Variants in DACH1 observed in about 807,000 individuals in gnomAD.
The protein encoded by DACH1 is dachshund family transcription factor 1, also known as dachshund homolog 1.
A neutral mutation model predicts 54.2 loss-of-function variants in DACH1; 12 were observed. The ratio of observed to expected loss-of-function variants is 0.22; its 90% CI spans 0.14 to 0.36. DACH1 has a LOEUF of 0.36. DACH1 is among the 10% of genes least tolerant of loss of function. The pLI is 1.00. For synonymous variants in DACH1, 386 were observed against 366.2 expected (o/e 1.05, Z -0.62); for missense variants, 805 against 929.8 (o/e 0.87, Z 1.75).
At chr13:71,485,863 G>A (rs1878459119) in intron 7 of DACH1, among the ~76,000 whole-genome samples, 1 of 151,830 alleles carries the variant, frequency 6.6e-6, no homozygotes, top group African/African-American at 2.4e-5. Context: ...TTACAGTCAT[G>A]AGCCACTGCA....
chr13:71,554,773 C>CTTT (rs2138369663), intron 6 of DACH1, among the ~76,000 whole-genome samples: 1 of 152,174 alleles, frequency 6.6e-6, no homozygotes, highest in East Asian at 1.9e-4. Context: ...AAAGCAAATA[C>CTTT]TTTAAAACAT....
rs1316625101 is a variant in DACH1, at chr13:71,464,143, T to C, written c.2083+10998A>G. Among the ~76,000 whole-genome samples, 3 of 150,632 alleles carry C rather than the reference T, an allele frequency of 2.0e-5. No individual in the cohort carries two copies. In the South Asian group the frequency reaches 6.2e-4, roughly 31 times the overall value. ...GAACCATTTCCCAAACAATTAAACA[T>C]TCTGATTTTTCTCATATGGATGAGA... is the stretch of plus-strand genomic sequence containing the variant. On this transcript the variant is annotated intron_variant, in intron 10 of 10. Transcript: ENST00000613252.
chr13:71,691,353 T>C (rs1485351642), intron 1 of DACH1, among the ~76,000 whole-genome samples: 1 of 152,252 alleles, frequency 6.6e-6, no homozygotes, highest in Non-Finnish European at 1.5e-5. Flanking sequence ...CTGCCAGGGA[T>C]TGTGCTAAAT....
intron 1 of DACH1, among the ~76,000 whole-genome samples, chr13:71,717,504 T>TCACACACACACACACA (rs3221998): frequency 2.3e-4 from 33 of 142,886 alleles, no homozygotes; most frequent in African/African-American, 8.1e-4. Context: ...GTGTGTGTAA[T>TCACACACACACACACA]CACACACACA....
chr13:71,591,674 A>G (rs1315741939), intron 3 of DACH1, among the ~76,000 whole-genome samples: 2 of 152,118 alleles, frequency 1.3e-5, no homozygotes, highest in Non-Finnish European at 2.9e-5. Context: ...TTATGAAATG[A>G]GATGTGACTT....
chr13:71,521,574 T>G (rs1178275365), intron 6 of DACH1, among the ~76,000 whole-genome samples: 11 of 152,034 alleles, frequency 7.2e-5, no homozygotes, highest in Non-Finnish European at 1.0e-4. Context: ...AAGGTAACTG[T>G]TATTCCTATA....
rs1593758987 is a variant in DACH1, at chr13:71,479,268, C to T, written c.1771G>A (p.Val591Ile). The change falls in exon 8 of 11, where the codon GTC (valine) becomes ATC (isoleucine). Residue 591 changes from valine (V) to isoleucine (I), a missense_variant. Coordinates refer to ENST00000613252, the MANE Select transcript of DACH1 (RefSeq NM_080759.6). ...TTCAGCTCAGTTTTTTCCAGTTGGA[C>T]CTGTTTCTCTTGAGCTCTGGCATTA... is the stretch of plus-strand genomic sequence containing the variant. Reference protein sequence around the residue: ...IDNARAQEKQVQLEKTELKMD... With the variant: ...IDNARAQEKQIQLEKTELKMD... 1 of 1,613,564 alleles carries T rather than the reference C, an allele frequency of 6.2e-7. No individual in the cohort carries two copies. The highest frequency in any genetic ancestry group is 8.5e-7 in the Non-Finnish European group (1 of 1,179,790).
In DACH1 at chr13:71,694,968, T is replaced by C. The variant is rs531900222; in HGVS notation, c.849-13058A>G. ...ATAAGTGTGGAAACTGAGGCAAAGA[T>C]ACATTGAAGCATAGAATTATGGAGA... is the stretch of plus-strand genomic sequence containing the variant. On this transcript the variant is annotated intron_variant, in intron 1 of 10. Transcript: ENST00000613252. 4.5e-4 allele frequency among the ~76,000 whole-genome samples: 68 copies of C among 152,262 alleles called. No individual in the cohort carries two copies. In the South Asian group the frequency reaches 0.014, roughly 31 times the overall value.
At chr13:71,778,103 T>A (rs547017180) in intron 1 of DACH1, among the ~76,000 whole-genome samples, 30 of 137,988 alleles carry the variant, frequency 2.2e-4, no homozygotes, top group Admixed American at 2.1e-3. Flanking sequence ...AATAAATAAA[T>A]AAATAAATAA....
chr13:71,697,792 A>G (rs552281458), intron 1 of DACH1, among the ~76,000 whole-genome samples: 121 of 152,326 alleles, frequency 7.9e-4, no homozygotes, highest in Non-Finnish European at 1.5e-3. Flanking sequence ...AAGTCCTAAA[A>G]TAATGCATTT....
chr13:71,748,915 T>TC (rs1884782463), intron 1 of DACH1, among the ~76,000 whole-genome samples: 1 of 37,478 alleles, frequency 2.7e-5, no homozygotes, highest in Non-Finnish European at 1.0e-4. Flanking sequence ...TTTCTTTCTT[T>TC]CTTTCTTTCT....
chr13:71,689,166 A>G (rs547309396), intron 1 of DACH1, among the ~76,000 whole-genome samples: 1 of 152,286 alleles, frequency 6.6e-6, no homozygotes, highest in Admixed American at 6.5e-5. Context: ...AACAGTACCA[A>G]ACCATGTTCT....
chr13:71,496,300 T>TAC (rs1879422762), intron 6 of DACH1, among the ~76,000 whole-genome samples: 1 of 114,504 alleles, frequency 8.7e-6, no homozygotes, highest in African/African-American at 3.2e-5. Flanking sequence ...TATATATATA[T>TAC]ATATATACAC....
intron 6 of DACH1, among the ~76,000 whole-genome samples, chr13:71,503,131 T>G (rs1385163085): frequency 1.3e-5 from 2 of 152,308 alleles, no homozygotes; most frequent in South Asian, 2.1e-4. Flanking sequence ...CACTTCATTT[T>G]TTCCTTCCCA....
intron 1 of DACH1, among the ~76,000 whole-genome samples, chr13:71,717,537 C>CACACACACAT (rs1420376596): frequency 5.9e-5 from 9 of 151,732 alleles, no homozygotes; most frequent in African/African-American, 2.2e-4. Flanking sequence ...CACACACACA[C>CACACACACAT]ACACACATTA....
chr13:71,817,374 C>G (rs1392676477), intron 1 of DACH1, among the ~76,000 whole-genome samples: 1 of 152,110 alleles, frequency 6.6e-6, no homozygotes, highest in Non-Finnish European at 1.5e-5. Context: ...CATTACAGCT[C>G]CACACACCAA....
intron 1 of DACH1, among the ~76,000 whole-genome samples, chr13:71,814,032 TCAAA>T (rs1281964073): frequency 2.6e-5 from 4 of 152,182 alleles, no homozygotes; most frequent in Non-Finnish European, 5.9e-5. Context: ...ATGTAAGTAA[TCAAA>T]CAAATTGATT....
At chr13:71,462,619 G>T (rs1185354240) in intron 10 of DACH1, among the ~76,000 whole-genome samples, 1 of 151,806 alleles carries the variant, frequency 6.6e-6, no homozygotes, top group Non-Finnish European at 1.5e-5. Context: ...GTGCATAATT[G>T]TAAAAATAGC....
At chr13:71,725,049 G>T (rs990973268) in intron 1 of DACH1, among the ~76,000 whole-genome samples, 1 of 151,880 alleles carries the variant, frequency 6.6e-6, no homozygotes, top group Non-Finnish European at 1.5e-5. Flanking sequence ...GTGGATTATA[G>T]CATATCTTAG....
Sources: allele counts gnomAD v4.1 joint callset (sites outside exome capture counted in the v4.1 genomes callset), GRCh38; gene constraint gnomAD v4.1.1; transcripts MANE v1.5; gene names NCBI Gene and HGNC (gene_info 2026-07-23, HGNC 2026-07-21).